Variants in SIPA1L1 observed in about 807,000 individuals in gnomAD.
SIPA1L1 encodes the protein signal induced proliferation associated 1 like 1.
In SIPA1L1, 26 loss-of-function variants were observed where a neutral mutation model predicts 162.7. The ratio of observed to expected loss-of-function variants is 0.16; its 90% CI spans 0.12 to 0.22. The LOEUF (loss-of-function observed/expected upper bound fraction) is 0.22. Among genes scored for constraint, SIPA1L1 ranks in the 10% least tolerant of loss-of-function variants. SIPA1L1 has a pLI of 1.00. For missense variants in SIPA1L1, 1,874 were observed against 2,241.0 expected, an observed-to-expected ratio of 0.84 and a Z score of 3.31; for synonymous variants, 829 against 837.4, an observed-to-expected ratio of 0.99 and a Z score of 0.17.
chr14:71,340,655 T>C (rs1348152015), intron 2 of SIPA1L1, among the ~76,000 whole-genome samples: 1 of 152,228 alleles, frequency 6.6e-6, no homozygotes, highest in East Asian at 1.9e-4. Context: ...TAAGAGTTAA[T>C]ACCATTTCTT....
At chr14:71,604,823 C>T (rs2037296044) in intron 5 of SIPA1L1, among the ~76,000 whole-genome samples, 1 of 151,996 alleles carries the variant, frequency 6.6e-6, no homozygotes, top group Non-Finnish European at 1.5e-5. Context: ...CTATTTTTGT[C>T]TTTGGCTTTT....
intron 2 of SIPA1L1, chr14:71,330,500 C>T (rs2034398731): frequency 6.2e-7 from 1 of 1,602,356 alleles, no homozygotes; most frequent in Admixed American, 1.7e-5. Context: ...TCCTGAAGTC[C>T]TGCTCTATGT....
intron 3 of SIPA1L1, among the ~76,000 whole-genome samples, chr14:71,513,734 C>G (rs974107494): frequency 6.6e-6 from 1 of 152,094 alleles, no homozygotes; most frequent in Non-Finnish European, 1.5e-5. Flanking sequence ...CTCTAGTGAT[C>G]CACCTAGGCT....
chr14:71,494,313 T>A (rs1351590032), intron 2 of SIPA1L1, among the ~76,000 whole-genome samples: 1 of 152,082 alleles, frequency 6.6e-6, no homozygotes, highest in Non-Finnish European at 1.5e-5. Context: ...CTTTTTCTTT[T>A]TAAATCATTA....
intron 2 of SIPA1L1, among the ~76,000 whole-genome samples, chr14:71,334,745 T>A (rs1213248901): frequency 6.6e-6 from 1 of 152,226 alleles, no homozygotes; most frequent in Non-Finnish European, 1.5e-5. Flanking sequence ...TCATGTTTCT[T>A]GATTCAGAAA....
chr14:71,362,255 A>G (rs906774977), intron 2 of SIPA1L1, among the ~76,000 whole-genome samples: 2 of 152,234 alleles, frequency 1.3e-5, no homozygotes, highest in Non-Finnish European at 2.9e-5. Context: ...TTTAGCTCGT[A>G]CTATTTATCA....
chr14:71,448,158 C>T (rs2045555695), intron 2 of SIPA1L1, among the ~76,000 whole-genome samples: 1 of 152,200 alleles, frequency 6.6e-6, no homozygotes, highest in African/African-American at 2.4e-5. Flanking sequence ...TACATGGCAG[C>T]TGCCATTCTT....
At chr14:71,422,685 T>C (rs1272483773) in intron 2 of SIPA1L1, among the ~76,000 whole-genome samples, 1 of 152,280 alleles carries the variant, frequency 6.6e-6, no homozygotes, top group Non-Finnish European at 1.5e-5. Flanking sequence ...GGAATAATAT[T>C]CTGTTGTATG....
chr14:71,392,965 A>G (rs1047805916), intron 2 of SIPA1L1, among the ~76,000 whole-genome samples: 1 of 152,266 alleles, frequency 6.6e-6, no homozygotes. Context: ...ATGAATGAGT[A>G]TAATTCTCAC....
At chr14:71,466,792 G>T (rs1386945869) in intron 2 of SIPA1L1, among the ~76,000 whole-genome samples, 1 of 152,086 alleles carries the variant, frequency 6.6e-6, no homozygotes, top group Non-Finnish European at 1.5e-5. Flanking sequence ...ACATTGACCA[G>T]TTATCTTTTA....
chr14:71,439,074 TGAG>T (rs2044634056), intron 2 of SIPA1L1, among the ~76,000 whole-genome samples: 1 of 152,120 alleles, frequency 6.6e-6, no homozygotes, highest in Non-Finnish European at 1.5e-5. Context: ...TGTGGTACCC[TGAG>T]GAGGAGTTGA....
chr14:71,732,943 T>A (rs2084935105), intron 20 of SIPA1L1, among the ~76,000 whole-genome samples: 1 of 152,244 alleles, frequency 6.6e-6, no homozygotes, highest in Non-Finnish European at 1.5e-5. Context: ...CTGGGCGTGG[T>A]GGCTCACGCC....
chr14:71,723,137 G>A (rs760672973), intron 17 of SIPA1L1, among the ~76,000 whole-genome samples: 3 of 152,252 alleles, frequency 2.0e-5, no homozygotes, highest in Non-Finnish European at 4.4e-5. Flanking sequence ...AGGAATGCCA[G>A]CTGCCATGGG....
At chr14:71,665,811 G>C (rs377002365) in intron 10 of SIPA1L1, among the ~76,000 whole-genome samples, 28 of 152,130 alleles carry the variant, frequency 1.8e-4, no homozygotes, top group African/African-American at 6.7e-4. Flanking sequence ...ATATGATAAC[G>C]TTTAATTTCT....
chr14:71,555,460 G>A (rs1172342419), intron 4 of SIPA1L1, among the ~76,000 whole-genome samples: 1 of 152,168 alleles, frequency 6.6e-6, no homozygotes, highest in Non-Finnish European at 1.5e-5. Context: ...AGAGAATGTT[G>A]TGGCTGATTT....
At chr14:71,471,808 A>G (rs1442399203) in intron 2 of SIPA1L1, among the ~76,000 whole-genome samples, 1 of 152,182 alleles carries the variant, frequency 6.6e-6, no homozygotes, top group Non-Finnish European at 1.5e-5. Context: ...AGAGTTTTAC[A>G]TTTCAAAGTC....
rs1174775703 is a variant in SIPA1L1 at position 71,459,346 on chromosome 14, T to G, written c.-464-53397T>G. Among the ~76,000 whole-genome samples the G allele has an allele frequency of 4.7e-4, 71 of 152,110 alleles. 3 individuals are homozygous for G. The highest frequency in any genetic ancestry group is 1.5e-5 in the Non-Finnish European group (1 of 68,032). On this transcript the variant is annotated intron_variant, in intron 2 of 23. Coordinates refer to ENST00000381232, the MANE Select transcript of SIPA1L1 (RefSeq NM_001386936.1). ...ACACGACGGTATAGTGGTAATCCAG[T>G]CAGTTTTGCAATACTTCAGGGGAAA...
chr14:71,556,741 A>G (rs1270197133), intron 4 of SIPA1L1, among the ~76,000 whole-genome samples: 1 of 152,246 alleles, frequency 6.6e-6, no homozygotes, highest in East Asian at 1.9e-4. Flanking sequence ...AGCTCTTCAA[A>G]CCTGGTCCTT....
At chr14:71,631,473 T>C (rs574774544) in intron 7 of SIPA1L1, among the ~76,000 whole-genome samples, 2 of 152,322 alleles carry the variant, frequency 1.3e-5, no homozygotes, top group East Asian at 3.9e-4. Flanking sequence ...AGTACTGCAA[T>C]GAAGACTTTT....
Sources: gnomAD v4.1 joint callset for allele counts (sites outside exome capture counted in the v4.1 genomes callset) on GRCh38, gnomAD v4.1.1 for gene constraint, MANE v1.5 for transcripts, NCBI Gene and HGNC (gene_info 2026-07-23, HGNC 2026-07-21) for gene names.